The following RHBDF2 variants were observed in gnomAD, a reference collection of about 807,000 sequenced individuals.
The protein encoded by RHBDF2 is inactive rhomboid protein 2.
Under a neutral mutation model 95.2 loss-of-function variants are expected in RHBDF2, and 38 were observed. The observed-to-expected ratio is 0.40, with a 90% CI of 0.31 to 0.52. The LOEUF (loss-of-function observed/expected upper bound fraction) is 0.52, where lower values mean the gene tolerates loss of function less well. RHBDF2 is among the 20% of genes least tolerant of loss of function. The probability of loss-of-function intolerance (pLI) is 0.56; values close to 1 mark genes in which losing one functional copy is unlikely to be tolerated. For missense variants in RHBDF2, 863 were observed against 1,137.7 expected (o/e 0.76, Z 3.47); for synonymous variants, 442 against 462.0 (o/e 0.96, Z 0.55).
At chr17:76,496,815 G>A (rs1567893222) in intron 1 of RHBDF2, among the ~76,000 whole-genome samples, 1 of 152,158 alleles carries the variant, frequency 6.6e-6, no homozygotes, top group Non-Finnish European at 1.5e-5. Flanking sequence ...AGGCTGGAGT[G>A]CAGTAGGGTG....
At chr17:76,493,926 A>G (rs2074372941) in intron 1 of RHBDF2, among the ~76,000 whole-genome samples, 1 of 152,178 alleles carries the variant, frequency 6.6e-6, no homozygotes, top group Admixed American at 6.5e-5. Context: ...AAGAACCCCC[A>G]GGGGCAGCTT....
At chr17:76,481,587 T>C in intron 2 of RHBDF2, 42 bp from the exon 3 acceptor site, 3 of 1,546,372 alleles carry the variant, frequency 1.9e-6, no homozygotes, top group Non-Finnish European at 2.6e-6. Flanking sequence ...CGGTGCGGGG[T>C]GGCGCAGTGT....
At chr17:76,474,298 C>T in intron 12 of RHBDF2, 75 bp downstream of exon 12, 1 of 1,538,150 alleles carries the variant, frequency 6.5e-7, no homozygotes, top group Non-Finnish European at 8.9e-7. Flanking sequence ...TGGTCACTGC[C>T]CTTGAAGGAC....
At chr17:76,480,756 C>T (rs1321481726) in intron 3 of RHBDF2, among the ~76,000 whole-genome samples, 3 of 152,194 alleles carry the variant, frequency 2.0e-5, no homozygotes, top group Non-Finnish European at 4.4e-5. Flanking sequence ...TTCCTAACTC[C>T]TCATCCAGTC....
At chr17:76,487,252 AT>A (rs35456053) in intron 2 of RHBDF2, among the ~76,000 whole-genome samples, 73,411 of 134,588 alleles carry the variant, frequency 0.55, 18,909 homozygotes, top group Middle Eastern at 0.71. Context: ...TGCCTGGCAA[AT>A]TTTTTTTTTT....
chr17:76,473,866 G>T lies in RHBDF2; in HGVS notation c.1611C>A (p.Ile537=). The T allele has an allele frequency of 1.2e-6, 2 of 1,614,114 alleles. No individual in the cohort carries two copies. The change falls in exon 14 of 19, where the codon ATC becomes ATA. Residue 537 remains isoleucine (I), a synonymous_variant. Transcript: ENST00000675367. ...CEEPASSGAH[I]WPDDITKWPI... is the part of the protein sequence containing the mutation. Reference sequence around the variant, plus strand: ...GCCACTTAGTGATGTCATCGGGCCAGATGTGGGCACCGCTGGAGGCTGGCT... The same window carrying T: ...GCCACTTAGTGATGTCATCGGGCCATATGTGGGCACCGCTGGAGGCTGGCT...
chr17:76,500,195 G>C (rs1185653300), intron 1 of RHBDF2, among the ~76,000 whole-genome samples: 1 of 152,096 alleles, frequency 6.6e-6, no homozygotes. Context: ...CCTTGGGCTG[G>C]ATAATTCCTC....
chr17:76,484,720 G>A (rs1388081621), intron 2 of RHBDF2, among the ~76,000 whole-genome samples: 1 of 152,142 alleles, frequency 6.6e-6, no homozygotes, highest in African/African-American at 2.4e-5. Context: ...GGGACTTCCA[G>A]GACCTCTCTT....
At position 76,498,717 on chromosome 17, in the gene RHBDF2, A is replaced by G. The variant is rs80067385; in HGVS notation, c.-220+2636T>C. On this transcript the variant is annotated intron_variant, in intron 1 of 18. Coordinates refer to ENST00000675367, the MANE Select transcript of RHBDF2 (RefSeq NM_001005498.4). ...ACTCGGGCCCCAAGTGCGTCACCCA[A>G]AGCATTTGTAGTGTGATTTATTCCT... Among the ~76,000 whole-genome samples the G allele has an allele frequency of 1.9e-3, 293 of 151,712 alleles. 2 individuals carry two copies. Among genetic ancestry groups the G allele is most frequent in the East Asian group, 0.011 (55 of 5,134 alleles).
chr17:76,471,280 C>A lies in RHBDF2; in HGVS notation c.*353G>T, dbSNP rs2073549449. 1 of 250,568 alleles carries A rather than the reference C, an allele frequency of 4.0e-6. No homozygotes were observed. The highest frequency in any genetic ancestry group is 6.9e-5 in the South Asian group (1 of 14,392). The allele number at this position is 250,568 out of a possible 1,614,324, so 15.5% of individuals were successfully genotyped here. On this transcript the variant is annotated 3_prime_UTR_variant, in exon 19 of 19. Coordinates refer to ENST00000675367, the MANE Select transcript of RHBDF2 (RefSeq NM_001005498.4). ...TCCAGTAGTAGTGGGGGAGAAGGCA[C>A]CAGCAGAGGCAGCGCTGAGGACCTG...
intron 18 of RHBDF2, 137 bp from the exon 19 acceptor site, chr17:76,472,189 G>A: frequency 1.3e-6 from 1 of 781,038 alleles, no homozygotes; most frequent in Non-Finnish European, 2.0e-6. Context: ...CAGGGGGTCG[G>A]CTGGAGCTGC....
intron 4 of RHBDF2, 128 bp downstream of exon 4, chr17:76,479,605 T>C (rs916977259): frequency 4.5e-5 from 33 of 738,544 alleles, no homozygotes. Context: ...CAGGGAGACA[T>C]TGCTCATTAA....
chr17:76,498,270 G>A (rs995956943), intron 1 of RHBDF2, among the ~76,000 whole-genome samples: 4 of 152,192 alleles, frequency 2.6e-5, no homozygotes, highest in African/African-American at 9.7e-5. Context: ...GCCTGGCTCA[G>A]CTGGATAGGA....
chr17:76,492,633 C>T (rs911549038), intron 1 of RHBDF2, among the ~76,000 whole-genome samples: 2 of 152,188 alleles, frequency 1.3e-5, no homozygotes, highest in Non-Finnish European at 2.9e-5. Context: ...AGTTCCCTCT[C>T]TCCACCTGGT....
chr17:76,483,700 T>C (rs1021655176), intron 2 of RHBDF2, among the ~76,000 whole-genome samples: 1 of 152,208 alleles, frequency 6.6e-6, no homozygotes, highest in African/African-American at 2.4e-5. Context: ...GAGACATGGG[T>C]CTGATGTTGC....
At chr17:76,481,622 A>G in intron 2 of RHBDF2, 77 bp from the exon 3 acceptor site, 3 of 1,346,830 alleles carry the variant, frequency 2.2e-6, no homozygotes, top group Non-Finnish European at 3.0e-6. Context: ...CAGGGCACGC[A>G]GCCCAGACCA....
rs1425620864 is a variant in RHBDF2 at position 76,478,822 on chromosome 17, G to A, written c.656C>T (p.Ala219Val). The change falls in exon 6 of 19, where the codon GCC becomes GTC. Residue 219 changes from alanine to valine, a missense_variant. This residue lies in a region of RHBDF2 where 611 missense variants were observed against 725.5 expected (regional missense o/e 0.84). Transcript: ENST00000675367. ...MSVAHMSLQA[A>V]AALLKGRSVL... Reference sequence around the variant, plus strand: ...GCCCCGCACCTTGAGGAGGGCAGCGGCAGCTTGCAAGCTCATGTGGGCCAC... The same window carrying A: ...GCCCCGCACCTTGAGGAGGGCAGCGACAGCTTGCAAGCTCATGTGGGCCAC... 1 of 1,612,674 alleles carries A rather than the reference G, an allele frequency of 6.2e-7. No individual in the cohort carries two copies. The highest frequency in any genetic ancestry group is 1.7e-5 in the Admixed American group (1 of 59,786).
At position 76,494,425 on chromosome 17, in the gene RHBDF2, G is replaced by C. The variant is rs148163589; in HGVS notation, c.-219-6516C>G. ...ACAGCGCTGGGCCCCACCCACCACA[G>C]TGCCCTCCCCTGGAAATTTCTGGAT... is the stretch of plus-strand genomic sequence containing the variant. On this transcript the variant is annotated intron_variant, in intron 1 of 18. Transcript: ENST00000675367. Among the ~76,000 whole-genome samples, 5 of 152,304 alleles carry C rather than the reference G, an allele frequency of 3.3e-5. No individual in the cohort carries two copies. In the East Asian group the frequency reaches 9.6e-4, roughly 29 times the overall value.
At chr17:76,479,310 C>T (rs771906883) in intron 4 of RHBDF2, 33 bp from the exon 5 acceptor site, 40 of 1,561,886 alleles carry the variant, frequency 2.6e-5, no homozygotes, top group African/African-American at 8.1e-5. Flanking sequence ...GGTGGGCATA[C>T]GCTTGTCTAC....
Sources: gnomAD v4.1 joint callset for allele counts (sites outside exome capture counted in the v4.1 genomes callset) on GRCh38, gnomAD v4.1.1 for gene constraint, gnomAD v4.1.1 regional missense constraint, MANE v1.5 for transcripts, NCBI Gene and HGNC (gene_info 2026-07-23, HGNC 2026-07-21) for gene names.